Variants in KIRREL3 observed in about 807,000 individuals in gnomAD.
KIRREL3 encodes kirre like nephrin family adhesion molecule 3, also known as kin of IRRE-like protein 3.
KIRREL3 carries 36 observed loss-of-function variants against 89.7 expected under a neutral mutation model. That is an observed-to-expected ratio of 0.40 (90% CI 0.31 to 0.53). The LOEUF (loss-of-function observed/expected upper bound fraction) is 0.53, where lower values mean the gene tolerates loss of function less well. Ranked by LOEUF, KIRREL3 falls within the 20% of genes least tolerant of loss-of-function variation. The pLI is 0.49. For synonymous variants in KIRREL3, 445 were observed against 441.4 expected, an observed-to-expected ratio of 1.01 and a Z score of -0.10; for missense variants, 864 against 1,056.6, an observed-to-expected ratio of 0.82 and a Z score of 2.53.
rs369061080 is a variant in KIRREL3, at chr11:126,716,957, G to T, written c.56-154045C>A. ...GCCTAGGGCAGGCATAGAGCTCAGC[G>T]CATCCAAGATGATTTGGTGCGTTTT... On this transcript the variant is annotated intron_variant, in intron 1 of 16. Coordinates refer to ENST00000525144, the MANE Select transcript of KIRREL3 (RefSeq NM_032531.4). Among the ~76,000 whole-genome samples, 8 of 152,206 alleles carry T rather than the reference G, an allele frequency of 5.3e-5. No individual in the cohort carries two copies. The South Asian group carries it at 1.5e-3, about 28-fold the overall frequency.
intron 4 of KIRREL3, among the ~76,000 whole-genome samples, chr11:126,514,106 C>T (rs1020210307): frequency 2.6e-5 from 4 of 151,928 alleles, no homozygotes; most frequent in Non-Finnish European, 4.4e-5. Flanking sequence ...GAGCTGGGAG[C>T]GAGCTGGTGG....
At chr11:126,479,729 G>C (rs991972336) in intron 4 of KIRREL3, among the ~76,000 whole-genome samples, 1 of 152,146 alleles carries the variant, frequency 6.6e-6, no homozygotes, top group Non-Finnish European at 1.5e-5. Flanking sequence ...CCCCGGGGCC[G>C]GCCAGAGAAA....
intron 1 of KIRREL3, among the ~76,000 whole-genome samples, chr11:126,584,386 A>G (rs192714814): frequency 1.4e-3 from 215 of 152,172 alleles, no homozygotes; most frequent in African/African-American, 5.1e-3. Context: ...TACTCCTGGA[A>G]CTTGTCAAGG....
At chr11:126,880,976 A>G (rs1316438323) in intron 1 of KIRREL3, among the ~76,000 whole-genome samples, 1 of 152,236 alleles carries the variant, frequency 6.6e-6, no homozygotes, top group Non-Finnish European at 1.5e-5. Flanking sequence ...CCGTGTGTTT[A>G]TCAAAATGTT....
rs1941275584 is a variant in KIRREL3, at chr11:126,576,785, T to C, written c.56-13873A>G. Among the ~76,000 whole-genome samples, 1 of 152,168 alleles carries C rather than the reference T, an allele frequency of 6.6e-6. No individual in the cohort carries two copies. Among genetic ancestry groups the C allele is most frequent in the African/African-American group, 2.4e-5 (1 of 41,442 alleles). On this transcript the variant is annotated intron_variant, in intron 1 of 16. Coordinates refer to ENST00000525144, the MANE Select transcript of KIRREL3 (RefSeq NM_032531.4). The surrounding 1 kb of genome is among the most constrained non-coding windows in gnomAD (Gnocchi z 5.4). ...ACTGAGAGGGTCCTTTTTAATCAGC[T>C]GAGGAGCAAGGGATTCCTGAGCCAC... is the stretch of plus-strand genomic sequence containing the variant.
intron 1 of KIRREL3, among the ~76,000 whole-genome samples, chr11:126,784,727 GC>G (rs1445166543): frequency 6.6e-6 from 1 of 151,980 alleles, no homozygotes; most frequent in Non-Finnish European, 1.5e-5. Context: ...TCGGTCGGGT[GC>G]CCTTGTGCAG....
In KIRREL3 at chr11:126,612,672, C is replaced by T. The variant is rs898079870; in HGVS notation, c.56-49760G>A. 4.6e-5 allele frequency among the ~76,000 whole-genome samples: 7 copies of T among 152,192 alleles called. No homozygotes were observed. The highest frequency in any genetic ancestry group is 1.9e-4 in the East Asian group (1 of 5,198). On this transcript the variant is annotated intron_variant, in intron 1 of 16. Transcript: ENST00000525144. The surrounding 1 kb of genome is among the most constrained non-coding windows in gnomAD (Gnocchi z 4.5). Reference sequence around the variant, plus strand: ...ACCCATCACTCCCCATTTCTGTCCCCGTCGGTAGCCATTAACCCACTTTCT... The same window carrying T: ...ACCCATCACTCCCCATTTCTGTCCCTGTCGGTAGCCATTAACCCACTTTCT...
chr11:126,584,564 G>A (rs994763997), intron 1 of KIRREL3, among the ~76,000 whole-genome samples: 3 of 152,216 alleles, frequency 2.0e-5, no homozygotes, highest in Admixed American at 2.0e-4. Context: ...AGGCAGAGGG[G>A]AGCAAAGGTG....
chr11:126,650,162 C>T (rs543823951), intron 1 of KIRREL3, among the ~76,000 whole-genome samples: 11 of 152,338 alleles, frequency 7.2e-5, no homozygotes, highest in East Asian at 3.9e-4. Flanking sequence ...ACCCTGGGCC[C>T]GTCCCATGAA....
intron 2 of KIRREL3, among the ~76,000 whole-genome samples, chr11:126,533,741 C>T (rs2134465292): frequency 1.3e-5 from 2 of 152,310 alleles, no homozygotes; most frequent in Non-Finnish European, 2.9e-5. Flanking sequence ...GGGTTTGAAT[C>T]CTGGCACTTC....
chr11:126,436,079 C>A (rs1235897476), intron 12 of KIRREL3, among the ~76,000 whole-genome samples: 4 of 152,228 alleles, frequency 2.6e-5, no homozygotes, highest in Non-Finnish European at 4.4e-5. Flanking sequence ...TCTGAGCAGA[C>A]GCTGGAGATC....
At chr11:126,512,739 G>A (rs1453543835) in intron 4 of KIRREL3, among the ~76,000 whole-genome samples, 2 of 152,274 alleles carry the variant, frequency 1.3e-5, no homozygotes, top group East Asian at 3.9e-4. Context: ...CCAGGGTCAC[G>A]CTTGGTTCCA....
rs560768536 is a variant in KIRREL3 at position 126,870,194 on chromosome 11, C to T, written c.55+130261G>A. ...GTCCTGGGGCAGGGCTCCCTGTTCA[C>T]GGTCTAAAGCCACATCCTGTCTGCC... On this transcript the variant is annotated intron_variant, in intron 1 of 16. Coordinates refer to ENST00000525144, the MANE Select transcript of KIRREL3 (RefSeq NM_032531.4). The surrounding 1 kb of genome is among the most constrained non-coding windows in gnomAD (Gnocchi z 4.4). Among the ~76,000 whole-genome samples the T allele has an allele frequency of 1.3e-3, 198 of 152,274 alleles. No homozygotes were observed. Among genetic ancestry groups the T allele is most frequent in the African/African-American group, 4.3e-3 (180 of 41,554 alleles).
intron 1 of KIRREL3, among the ~76,000 whole-genome samples, chr11:126,790,960 A>T (rs1950621841): frequency 6.6e-6 from 1 of 152,200 alleles, no homozygotes; most frequent in Non-Finnish European, 1.5e-5. Flanking sequence ...GTGTTCTTTT[A>T]AAAAATATGA....
intron 1 of KIRREL3, chr11:126,934,973 G>A (rs9667078): frequency 0.22 from 32,555 of 151,346 alleles, 3,957 homozygotes; most frequent in East Asian, 0.44. Context: ...CATGAACACC[G>A]GAGTCGGAGC....
In KIRREL3 at chr11:126,797,285, A is replaced by G. The variant is rs1422347338; in HGVS notation, c.55+203170T>C. The stretch of plus-strand genomic sequence containing the variant: ...TGAGACTCAATTTCTCATCTATGAA[A>G]TAGACTAATAACAACATTGTTTCAA... On this transcript the variant is annotated intron_variant, in intron 1 of 16. Coordinates refer to ENST00000525144, the MANE Select transcript of KIRREL3 (RefSeq NM_032531.4). This position sits in a 1 kb window ranked among gnomAD's most constrained non-coding sequence, Gnocchi z 4.9. 2.0e-5 allele frequency among the ~76,000 whole-genome samples: 3 copies of G among 152,208 alleles called. No homozygotes were observed.
rs965373131 is a variant in KIRREL3 at position 126,782,916 on chromosome 11, G to C, written c.55+217539C>G. Among the ~76,000 whole-genome samples the C allele has an allele frequency of 6.6e-6, 1 of 152,156 alleles. No individual in the cohort carries two copies. The highest frequency in any genetic ancestry group is 2.4e-5 in the African/African-American group (1 of 41,432). ...AGAGTTTGGTTTCTGATACCACTCT[G>C]TAATAAAAGGAACCAGGGCTCCTTG... is the stretch of plus-strand genomic sequence containing the variant. On this transcript the variant is annotated intron_variant, in intron 1 of 16. Transcript: ENST00000525144. The surrounding 1 kb of genome is among the most constrained non-coding windows in gnomAD (Gnocchi z 4.1).
intron 9 of KIRREL3, among the ~76,000 whole-genome samples, chr11:126,445,456 G>A (rs1356356082): frequency 3.3e-5 from 5 of 152,298 alleles, no homozygotes; most frequent in Middle Eastern, 3.4e-3. Flanking sequence ...CTGTACCTGC[G>A]GTGGCTTCTC....
In KIRREL3 at chr11:126,965,039, C is replaced by A. The variant is rs746254460; in HGVS notation, c.55+35416G>T. On this transcript the variant is annotated intron_variant, in intron 1 of 16. Transcript: ENST00000525144. The surrounding 1 kb of genome is among the most constrained non-coding windows in gnomAD (Gnocchi z 4.4). ...AGCAGATGCATAAAAGTGTTGTACT[C>A]CCAACTCAACAGATGGGATATTAGA... 2.0e-5 allele frequency among the ~76,000 whole-genome samples: 3 copies of A among 152,134 alleles called. No homozygotes were observed. Among genetic ancestry groups the A allele is most frequent in the Non-Finnish European group, 2.9e-5 (2 of 68,016 alleles).
Sources: allele counts gnomAD v4.1 joint callset (sites outside exome capture counted in the v4.1 genomes callset), GRCh38; gene constraint gnomAD v4.1.1; non-coding constraint Gnocchi (gnomAD v3.1); transcripts MANE v1.5; gene names NCBI Gene and HGNC (gene_info 2026-07-23, HGNC 2026-07-21).